The following PRKCB variants were observed in gnomAD, a reference collection of about 807,000 sequenced individuals.
The protein encoded by PRKCB is protein kinase C beta, also known as protein kinase C beta type.
In PRKCB, 13 loss-of-function variants were observed where a neutral mutation model predicts 81.5. That is an observed-to-expected ratio of 0.16 (90% CI 0.10 to 0.25). PRKCB has a LOEUF of 0.25. Among genes scored for constraint, PRKCB ranks in the 10% least tolerant of loss-of-function variants. The pLI, the probability that PRKCB is intolerant of heterozygous loss-of-function variation, is 1.00. For synonymous variants in PRKCB, 335 were observed against 321.4 expected (o/e 1.04, Z -0.45); for missense variants, 509 against 875.7 (o/e 0.58, Z 5.29).
chr16:23,896,817 A>C (rs766647818), intron 2 of PRKCB, among the ~76,000 whole-genome samples: 1 of 152,206 alleles, frequency 6.6e-6, no homozygotes, highest in Non-Finnish European at 1.5e-5. Flanking sequence ...TTATAGGCAA[A>C]ACCAAATGAA....
At chr16:23,965,897 A>G (rs140588634) in intron 2 of PRKCB, among the ~76,000 whole-genome samples, 11 of 152,276 alleles carry the variant, frequency 7.2e-5, no homozygotes, top group African/African-American at 2.6e-4. Flanking sequence ...TGGCACCACA[A>G]AGCTCTGCCC....
chr16:23,873,306 G>A (rs1962942505), intron 2 of PRKCB, among the ~76,000 whole-genome samples: 1 of 151,570 alleles, frequency 6.6e-6, no homozygotes, highest in Non-Finnish European at 1.5e-5. Context: ...CTGGGAGGTG[G>A]AGGTTGCAGT....
At chr16:23,955,845 C>T (rs1420839030) in intron 2 of PRKCB, among the ~76,000 whole-genome samples, 1 of 152,166 alleles carries the variant, frequency 6.6e-6, no homozygotes, top group Non-Finnish European at 1.5e-5. Context: ...TGAGCTTTGT[C>T]CCTGCACTGA....
chr16:24,172,186 T>C (rs1967451164), intron 10 of PRKCB, 84 bp from the exon 11 acceptor site: 1 of 980,346 alleles, frequency 1.0e-6, no homozygotes, highest in Non-Finnish European at 1.6e-6. Flanking sequence ...GTTTTCATCA[T>C]AAATTCCAGC....
intron 3 of PRKCB, among the ~76,000 whole-genome samples, chr16:24,007,108 C>G (rs2141834706): frequency 6.6e-6 from 1 of 152,298 alleles, no homozygotes; most frequent in Admixed American, 6.5e-5. Flanking sequence ...CACTAACTAG[C>G]TGATAATCTT....
intron 10 of PRKCB, among the ~76,000 whole-genome samples, chr16:24,165,306 G>A (rs1024132333): frequency 2.6e-5 from 4 of 152,196 alleles, no homozygotes; most frequent in Admixed American, 6.5e-5. Flanking sequence ...GCCTCTCAAA[G>A]TGCTGGGATT....
At chr16:24,115,151 G>A (rs943761772) in intron 8 of PRKCB, among the ~76,000 whole-genome samples, 3 of 152,208 alleles carry the variant, frequency 2.0e-5, no homozygotes, top group African/African-American at 2.4e-5. Context: ...GAGGAAGTAG[G>A]CATGAGTCAC....
chr16:23,865,160 A>G (rs925408780), intron 2 of PRKCB, among the ~76,000 whole-genome samples: 1 of 152,118 alleles, frequency 6.6e-6, no homozygotes, highest in Non-Finnish European at 1.5e-5. Context: ...ACCTCTATGC[A>G]CACAAGTTAG....
chr16:23,878,057 C>T (rs1347784287), intron 2 of PRKCB, among the ~76,000 whole-genome samples: 2 of 152,160 alleles, frequency 1.3e-5, no homozygotes, highest in South Asian at 2.1e-4. Context: ...CGGTCTTGAA[C>T]TCCTGACCTC....
intron 15 of PRKCB, among the ~76,000 whole-genome samples, chr16:24,189,641 CA>C (rs10605364): frequency 0.34 from 28,221 of 83,318 alleles, 1,790 homozygotes; most frequent in South Asian, 0.4. Flanking sequence ...GACTCCGTCT[CA>C]AAAAAAAAAA....
At chr16:24,171,283 C>T (rs541035662) in intron 10 of PRKCB, among the ~76,000 whole-genome samples, 31 of 152,186 alleles carry the variant, frequency 2.0e-4, no homozygotes, top group Non-Finnish European at 3.5e-4. Context: ...GGAGTTGGTG[C>T]TGGCTGCTGG....
At chr16:24,174,493 G>A (rs752459646) in intron 11 of PRKCB, 25 bp from the exon 12 acceptor site, 20 of 1,374,748 alleles carry the variant, frequency 1.5e-5, no homozygotes, top group South Asian at 8.4e-5. Flanking sequence ...TTTCTCCATC[G>A]CTTTTTTTTT....
intron 5 of PRKCB, among the ~76,000 whole-genome samples, chr16:24,083,022 A>G (rs74340759): frequency 9.7e-4 from 147 of 152,324 alleles, no homozygotes; most frequent in African/African-American, 3.5e-3. Context: ...TGTAATCTAA[A>G]AACCTGAACA....
intron 5 of PRKCB, among the ~76,000 whole-genome samples, chr16:24,042,177 CAG>C (rs1286319584): frequency 6.6e-6 from 1 of 152,134 alleles, no homozygotes; most frequent in Non-Finnish European, 1.5e-5. Flanking sequence ...GCGTCAATTG[CAG>C]ACAGAAAATT....
intron 16 of PRKCB, among the ~76,000 whole-genome samples, chr16:24,206,480 C>G (rs1341911337): frequency 6.6e-6 from 1 of 152,198 alleles, no homozygotes; most frequent in Admixed American, 6.5e-5. Flanking sequence ...GAGCCACTAG[C>G]CTCATGTTAT....
intron 2 of PRKCB, among the ~76,000 whole-genome samples, chr16:23,858,644 C>A (rs1305497257): frequency 2.6e-5 from 4 of 152,062 alleles, no homozygotes; most frequent in African/African-American, 9.6e-5. Context: ...TGAGGACTTT[C>A]ATTGGCCACG....
In PRKCB at chr16:23,875,503, A is replaced by ATATATATATATATAT. The variant is rs1567298294; in HGVS notation, c.205+38100_205+38101insATATATATATATTAT. The stretch of plus-strand genomic sequence containing the variant: ...AAGATATATATATATATATATATAT[A>ATATATATATATATAT]TATGATGTATATCACACACATATGT... On this transcript the variant is annotated intron_variant, in intron 2 of 16. Transcript: ENST00000643927. Among the ~76,000 whole-genome samples, 12 of 28,942 alleles carry ATATATATATATATAT rather than the reference A, an allele frequency of 4.1e-4. 1 individual carries two copies. Among genetic ancestry groups the ATATATATATATATAT allele is most frequent in the African/African-American group, 8.2e-4 (3 of 3,652 alleles). The allele number at this position is 28,942 out of a possible 152,430, so 19.0% of individuals were successfully genotyped here.
chr16:24,191,465 T>G (rs198146), intron 16 of PRKCB: 1 of 425,216 alleles, frequency 2.4e-6, no homozygotes, highest in African/African-American at 2.0e-5. Flanking sequence ...TTTTTGTTTC[T>G]TCGATTCAAT....
At chr16:23,898,087 A>G (rs1296243397) in intron 2 of PRKCB, among the ~76,000 whole-genome samples, 1 of 143,416 alleles carries the variant, frequency 7.0e-6, no homozygotes, top group Non-Finnish European at 1.5e-5. Flanking sequence ...TTTTTTTGAG[A>G]CAGAGTCTTG....
Sources: allele counts gnomAD v4.1 joint callset (sites outside exome capture counted in the v4.1 genomes callset), GRCh38; gene constraint gnomAD v4.1.1; transcripts MANE v1.5; gene names NCBI Gene and HGNC (gene_info 2026-07-23, HGNC 2026-07-21).